The following FMN2 variants were observed in gnomAD, a reference collection of about 807,000 sequenced individuals.
FMN2 encodes the protein formin-2.
In FMN2, 51 loss-of-function variants were observed where a neutral mutation model predicts 142.3. That is an observed-to-expected ratio of 0.36 (90% CI 0.29 to 0.45). FMN2 has a LOEUF of 0.45. Among genes scored for constraint, FMN2 ranks in the 20% least tolerant of loss-of-function variants. FMN2 has a pLI of 1.00. For synonymous variants in FMN2, 882 were observed against 869.8 expected (o/e 1.01, Z -0.25); for missense variants, 1,936 against 2,122.8 (o/e 0.91, Z 1.73).
At chr1:240,157,962 C>T (rs1664095611) in intron 2 of FMN2, among the ~76,000 whole-genome samples, 1 of 140,268 alleles carries the variant, frequency 7.1e-6, no homozygotes. Context: ...CATAGTCAGA[C>T]TCTGTCTCTA....
chr1:240,123,796 C>A (rs1190700261), intron 2 of FMN2, among the ~76,000 whole-genome samples: 1 of 152,176 alleles, frequency 6.6e-6, no homozygotes, highest in African/African-American at 2.4e-5. Flanking sequence ...CCAAAATAAA[C>A]CCTGTACCCA....
chr1:240,092,365 A>G lies in FMN2; in HGVS notation c.256A>G (p.Lys86Glu), dbSNP rs1292357765. 1 of 1,609,400 alleles carries G rather than the reference A, an allele frequency of 6.2e-7. No individual in the cohort carries two copies. The highest frequency in any genetic ancestry group is 1.7e-5 in the Admixed American group (1 of 59,848). Residue 86 changes from lysine to glutamate, a missense_variant, in exon 1 of 18, where the codon AAG (lysine) becomes GAG (glutamate). Physicochemically the swap from Lys to Glu is moderately conservative, Grantham distance 56. Coordinates refer to ENST00000319653, the MANE Select transcript of FMN2 (RefSeq NM_020066.5). ...CCTGCGGATCAGGAAGAATCTGTCC[A>G]AGGGGAAAGGCGCCGGCGGCTCCCG... ...SNLRIRKNLS[K>E]GKGAGGSRED...
chr1:240,299,262 C>G (rs1670108339), intron 8 of FMN2, among the ~76,000 whole-genome samples: 1 of 151,950 alleles, frequency 6.6e-6, no homozygotes, highest in Non-Finnish European at 1.5e-5. Context: ...TTTTTATATT[C>G]CATATTGAAC....
In FMN2 at chr1:240,137,394, A is replaced by G. The variant is rs148956396; in HGVS notation, c.1782+14049A>G. On this transcript the variant is annotated intron_variant, in intron 2 of 17. Coordinates refer to ENST00000319653, the MANE Select transcript of FMN2 (RefSeq NM_020066.5). ...TGTTGTGGTGTAAAAGCAGCCACGG[A>G]CAATACGCCACTAATAAGCACGGCT... is the stretch of plus-strand genomic sequence containing the variant. 1.2e-4 allele frequency among the ~76,000 whole-genome samples: 19 copies of G among 152,312 alleles called. No homozygotes were observed. The East Asian group carries it at 3.7e-3, about 29-fold the overall frequency.
intron 2 of FMN2, among the ~76,000 whole-genome samples, chr1:240,164,717 G>A (rs928085177): frequency 6.6e-6 from 1 of 152,106 alleles, no homozygotes; most frequent in Non-Finnish European, 1.5e-5. Flanking sequence ...ATTCATTGAA[G>A]GTCATCTATT....
At chr1:240,187,103 A>G (rs1272789786) in intron 3 of FMN2, among the ~76,000 whole-genome samples, 1 of 81,098 alleles carries the variant, frequency 1.2e-5, no homozygotes, top group Non-Finnish European at 2.6e-5. Flanking sequence ...CGTCTGTACC[A>G]AAAAAAAAAA....
intron 2 of FMN2, among the ~76,000 whole-genome samples, chr1:240,153,216 C>T (rs573976347): frequency 3.3e-5 from 5 of 152,126 alleles, no homozygotes; most frequent in African/African-American, 1.2e-4. Flanking sequence ...TGTAAAGGGG[C>T]TATGGCAATG....
At chr1:240,290,785 T>TTG (rs201909628) in intron 7 of FMN2, among the ~76,000 whole-genome samples, 5,758 of 104,052 alleles carry the variant, frequency 0.055, 226 homozygotes, top group South Asian at 0.12. Context: ...GTTTGGTTTT[T>TTG]TTTTTTTGTT....
chr1:240,471,365 CT>C (rs201223518), intron 16 of FMN2, among the ~76,000 whole-genome samples: 3,566 of 143,190 alleles, frequency 0.025, 124 homozygotes, highest in African/African-American at 0.085. Flanking sequence ...TGTAAATTTT[CT>C]TTTTTTTTTT....
intron 14 of FMN2, among the ~76,000 whole-genome samples, chr1:240,369,625 A>T (rs1050081084): frequency 6.6e-6 from 1 of 152,256 alleles, no homozygotes; most frequent in Non-Finnish European, 1.5e-5. Context: ...TAGATTTGCT[A>T]ATTATAAAAT....
At chr1:240,287,821 G>A (rs1669641617) in intron 7 of FMN2, among the ~76,000 whole-genome samples, 3 of 152,170 alleles carry the variant, frequency 2.0e-5, no homozygotes, top group Admixed American at 2.0e-4. Flanking sequence ...TGTAGGGCAG[G>A]TCCTCTTCTT....
intron 1 of FMN2, among the ~76,000 whole-genome samples, chr1:240,108,068 G>T (rs534983002): frequency 2.0e-5 from 3 of 152,222 alleles, no homozygotes; most frequent in African/African-American, 7.2e-5. Flanking sequence ...CTAAATCAAA[G>T]GTGTACCTGG....
intron 1 of FMN2, among the ~76,000 whole-genome samples, chr1:240,097,590 C>T (rs1003505853): frequency 1.9e-4 from 29 of 152,202 alleles, no homozygotes; most frequent in Admixed American, 1.4e-3. Context: ...CTCCTGACCT[C>T]GTGATCCGCC....
intron 4 of FMN2, among the ~76,000 whole-genome samples, chr1:240,205,456 C>CTTTTTTT (rs36115091): frequency 1.3e-4 from 13 of 97,494 alleles, no homozygotes; most frequent in Non-Finnish European, 1.8e-4. Flanking sequence ...ATGCTCTTTC[C>CTTTTTTT]TTTTTTTTTT....
intron 14 of FMN2, among the ~76,000 whole-genome samples, chr1:240,366,658 C>T (rs1672680197): frequency 6.6e-6 from 1 of 151,910 alleles, no homozygotes; most frequent in African/African-American, 2.4e-5. Flanking sequence ...CTGCCTCAGC[C>T]TTCCAAGTTC....
chr1:240,228,303 C>CAAAAAAAAAAAAAAAAA lies in FMN2; in HGVS notation c.4065+17081_4065+17097dup, dbSNP rs577421634. On this transcript the variant is annotated intron_variant, in intron 6 of 17. Coordinates refer to ENST00000319653, the MANE Select transcript of FMN2 (RefSeq NM_020066.5). Reference sequence around the variant, plus strand: ...GGGCAACAAGAGTGAAACTCTGTCTCAAAAAAAAAAAAAAAAAAAAAAAAA... The same window carrying CAAAAAAAAAAAAAAAAA: ...GGGCAACAAGAGTGAAACTCTGTCTCAAAAAAAAAAAAAAAAAAAAAAAAAAAAAAAAAAAAAAAAAA... 1.4e-3 allele frequency among the ~76,000 whole-genome samples: 68 copies of CAAAAAAAAAAAAAAAAA among 47,734 alleles called. 3 individuals are homozygous for CAAAAAAAAAAAAAAAAA. The highest frequency in any genetic ancestry group is 2.1e-3 in the South Asian group (2 of 948). 31.3% of individuals were successfully genotyped at this position (47,734 alleles called of 152,430 possible). A position where few individuals can be genotyped will look rare whatever the true frequency, so the allele number is the denominator to read the frequency against.
At chr1:240,415,106 ATG>A (rs1674532587) in intron 15 of FMN2, among the ~76,000 whole-genome samples, 1 of 152,210 alleles carries the variant, frequency 6.6e-6, no homozygotes. Flanking sequence ...TTTTAAAAAT[ATG>A]TTGAATAGCA....
intron 13 of FMN2, among the ~76,000 whole-genome samples, chr1:240,348,423 A>G (rs1671985951): frequency 2.0e-5 from 3 of 151,466 alleles, no homozygotes; most frequent in Admixed American, 2.0e-4. Flanking sequence ...GGGTTTCGCC[A>G]TGTTGACCAG....
chr1:240,202,413 G>A (rs1666159847), intron 4 of FMN2, among the ~76,000 whole-genome samples: 1 of 152,144 alleles, frequency 6.6e-6, no homozygotes, highest in Non-Finnish European at 1.5e-5. Context: ...GGCCTGTGAT[G>A]TGGGGCAGAA....
Sources: gnomAD v4.1 joint callset for allele counts (sites outside exome capture counted in the v4.1 genomes callset) on GRCh38, gnomAD v4.1.1 for gene constraint, MANE v1.5 for transcripts, NCBI Gene and HGNC (gene_info 2026-07-23, HGNC 2026-07-21) for gene names.